LTBP1: variants seen among roughly 807,000 people sequenced by gnomAD.
The protein encoded by LTBP1 is latent-transforming growth factor beta-binding protein 1.
Under a neutral mutation model 207.6 loss-of-function variants are expected in LTBP1, and 129 were observed. The observed-to-expected ratio is 0.62, with a 90% confidence interval of 0.54 to 0.72. The LOEUF is 0.72. Among genes scored for constraint, LTBP1 ranks in the 30% least tolerant of loss-of-function variants. LTBP1 has a pLI of 0.00. For synonymous variants in LTBP1, 963 were observed against 833.7 expected (o/e 1.16, Z -2.67); for missense variants, 2,281 against 2,217.2 (o/e 1.03, Z -0.58).
intron 7 of LTBP1, among the ~76,000 whole-genome samples, chr2:33,191,269 A>G (rs1027713657): frequency 1.3e-5 from 2 of 152,224 alleles, no homozygotes; most frequent in Non-Finnish European, 2.9e-5. Context: ...TTGTAAGCCT[A>G]GAGTGTACAA....
intron 3 of LTBP1, among the ~76,000 whole-genome samples, chr2:33,078,783 A>G (rs2078220151): frequency 6.6e-6 from 1 of 151,256 alleles, no homozygotes; most frequent in Non-Finnish European, 1.5e-5. Flanking sequence ...TAAGGTGATT[A>G]CCTTTGCCCT....
intron 4 of LTBP1, among the ~76,000 whole-genome samples, chr2:33,131,291 G>A (rs1433660663): frequency 5.3e-5 from 8 of 152,172 alleles, no homozygotes; most frequent in Admixed American, 4.6e-4. Context: ...GAGAGCTTGT[G>A]TCTACTGTTA....
chr2:33,340,488 T>G (rs2094605977), intron 24 of LTBP1, among the ~76,000 whole-genome samples: 2 of 152,092 alleles, frequency 1.3e-5, no homozygotes, highest in South Asian at 4.1e-4. Context: ...AAGAAGAATA[T>G]TCCGTCACTG....
At chr2:33,049,266 A>G (rs2076606090) in intron 3 of LTBP1, among the ~76,000 whole-genome samples, 1 of 152,232 alleles carries the variant, frequency 6.6e-6, no homozygotes, top group South Asian at 2.1e-4. Context: ...AAAATGTAAC[A>G]TTTTCCAATA....
chr2:33,156,598 G>A (rs769193449), intron 5 of LTBP1, among the ~76,000 whole-genome samples: 1 of 152,138 alleles, frequency 6.6e-6, no homozygotes, highest in Non-Finnish European at 1.5e-5. Context: ...GCAGAATAAT[G>A]TCCATATATA....
chr2:33,278,555 G>A (rs914632253), intron 18 of LTBP1, among the ~76,000 whole-genome samples: 21 of 152,132 alleles, frequency 1.4e-4, no homozygotes, highest in Non-Finnish European at 2.6e-4. Flanking sequence ...TTCTGTTAAG[G>A]TATTATAAGG....
At chr2:33,171,802 G>T (rs1015805802) in intron 5 of LTBP1, among the ~76,000 whole-genome samples, 3 of 152,166 alleles carry the variant, frequency 2.0e-5, no homozygotes, top group Admixed American at 6.5e-5. Context: ...GACTAACAGC[G>T]GATCTCTCGG....
intron 5 of LTBP1, among the ~76,000 whole-genome samples, chr2:33,168,861 T>G (rs2085165885): frequency 6.6e-6 from 1 of 152,232 alleles, no homozygotes; most frequent in Non-Finnish European, 1.5e-5. Context: ...CACCTTGTGC[T>G]GCATCCAGTC....
chr2:33,375,597 G>A (rs1162855351), intron 31 of LTBP1, among the ~76,000 whole-genome samples: 1 of 152,030 alleles, frequency 6.6e-6, no homozygotes, highest in Non-Finnish European at 1.5e-5. Flanking sequence ...GCACGATCTC[G>A]GCTCACTGCA....
intron 24 of LTBP1, among the ~76,000 whole-genome samples, chr2:33,334,834 C>A (rs549570006): frequency 6.6e-6 from 1 of 150,870 alleles, no homozygotes; most frequent in East Asian, 2.0e-4. Flanking sequence ...ACTGGTTGGC[C>A]GAGGTGGGAG....
intron 27 of LTBP1, 122 bp from the exon 28 acceptor site, chr2:33,361,307 C>T: frequency 3.6e-6 from 2 of 556,864 alleles, no homozygotes; most frequent in South Asian, 2.7e-5. Flanking sequence ...TGAGATTGTA[C>T]TAAATTTATT....
chr2:33,326,640 A>ATTT (rs2094431007), intron 24 of LTBP1, among the ~76,000 whole-genome samples: 2 of 144,590 alleles, frequency 1.4e-5, no homozygotes, highest in Non-Finnish European at 1.5e-5. Flanking sequence ...TGAGGGATAT[A>ATTT]ATTTATTTAT....
chr2:33,157,924 C>G (rs1328325515), intron 5 of LTBP1, among the ~76,000 whole-genome samples: 2 of 152,084 alleles, frequency 1.3e-5, no homozygotes, highest in Non-Finnish European at 2.9e-5. Context: ...TGTGGATCAT[C>G]TGAGGTCAGG....
intron 3 of LTBP1, among the ~76,000 whole-genome samples, chr2:33,072,463 GCACC>G (rs2077839374): frequency 6.6e-6 from 1 of 152,202 alleles, no homozygotes; most frequent in Non-Finnish European, 1.5e-5. Context: ...GTCTGGGGCA[GCACC>G]CCTGAAACAG....
chr2:32,964,922 C>T (rs575327513), intron 2 of LTBP1, among the ~76,000 whole-genome samples: 77 of 152,094 alleles, frequency 5.1e-4, no homozygotes, highest in African/African-American at 1.8e-3. Context: ...CACCTGTAGT[C>T]CCAGCTACTC....
At chr2:32,980,451 A>G (rs1043228983) in intron 2 of LTBP1, among the ~76,000 whole-genome samples, 2 of 152,290 alleles carry the variant, frequency 1.3e-5, no homozygotes, top group Non-Finnish European at 2.9e-5. Flanking sequence ...AAGAAAACTA[A>G]TAACTTTAAC....
intron 24 of LTBP1, among the ~76,000 whole-genome samples, chr2:33,323,070 C>T (rs887609713): frequency 6.6e-6 from 1 of 152,088 alleles, no homozygotes; most frequent in African/African-American, 2.4e-5. Context: ...GGGTTATGTC[C>T]TCATAAATGG....
chr2:33,226,374 G>A (rs1321371306), intron 9 of LTBP1, among the ~76,000 whole-genome samples: 1 of 152,158 alleles, frequency 6.6e-6, no homozygotes, highest in African/African-American at 2.4e-5. Flanking sequence ...CCCAAAGTTG[G>A]GGCCTAGCCT....
chr2:32,976,867 C>T (rs891622457), intron 2 of LTBP1, among the ~76,000 whole-genome samples: 2 of 152,200 alleles, frequency 1.3e-5, no homozygotes, highest in Admixed American at 6.5e-5. Context: ...GCAAGCTCTC[C>T]TTGGCTAGGA....
Sources: gnomAD v4.1 joint callset for allele counts (sites outside exome capture counted in the v4.1 genomes callset) on GRCh38, gnomAD v4.1.1 for gene constraint, MANE v1.5 for transcripts, NCBI Gene and HGNC (gene_info 2026-07-23, HGNC 2026-07-21) for gene names.